TBX20: variants seen among roughly 807,000 people sequenced by gnomAD.
TBX20 encodes T-box transcription factor TBX20.
In TBX20, 8 loss-of-function variants were observed where a neutral mutation model predicts 42.9. The ratio of observed to expected loss-of-function variants is 0.19; its 90% CI spans 0.11 to 0.34. The LOEUF (loss-of-function observed/expected upper bound fraction) is 0.34, where lower values mean the gene tolerates loss of function less well. Ranked by LOEUF, TBX20 falls within the 10% of genes least tolerant of loss-of-function variation. The pLI, the probability that TBX20 is intolerant of heterozygous loss-of-function variation, is 1.00. For synonymous variants in TBX20, 198 were observed against 222.8 expected, an observed-to-expected ratio of 0.89 and a Z score of 0.99; for missense variants, 411 against 566.0, an observed-to-expected ratio of 0.73 and a Z score of 2.78.
At chr7:35,238,857 A>G (rs1251244999) in intron 5 of TBX20, among the ~76,000 whole-genome samples, 1 of 135,018 alleles carries the variant, frequency 7.4e-6, no homozygotes, top group Non-Finnish European at 1.7e-5. Context: ...ACAATTACGC[A>G]TTAATTTCTC....
rs1265483726 is a variant in TBX20, at chr7:35,249,813, A to G, written c.380+138T>C. 1 of 968,510 alleles carries G rather than the reference A, an allele frequency of 1.0e-6. No homozygotes were observed. Among genetic ancestry groups the G allele is most frequent in the African/African-American group, 1.6e-5 (1 of 60,660 alleles). The allele number at this position is 968,510 out of a possible 1,614,324, so 60.0% of individuals were successfully genotyped here. On this transcript the variant is annotated intron_variant, in intron 2 of 7. Transcript: ENST00000408931. This position sits in a 1 kb window ranked among gnomAD's most constrained non-coding sequence, Gnocchi z 4.3. ...GTAGCTCCTAATGCAAGCTGGTGGA[A>G]AGCAGCTGCCCTGGAGCCAAGCTGT...
intron 6 of TBX20, among the ~76,000 whole-genome samples, chr7:35,221,232 A>C (rs1472705788): frequency 1.3e-5 from 2 of 150,868 alleles, no homozygotes; most frequent in Non-Finnish European, 3.0e-5. Flanking sequence ...AGGGAGGAGA[A>C]GTACAAAAAA....
chr7:35,207,438 G>A (rs1017085949), intron 6 of TBX20, among the ~76,000 whole-genome samples: 4 of 152,098 alleles, frequency 2.6e-5, no homozygotes, highest in Non-Finnish European at 5.9e-5. Context: ...TGTGGCTTGC[G>A]TTTTCTCTTT....
In TBX20 at chr7:35,214,004, T is replaced by C. The variant is rs528605964; in HGVS notation, c.891-9422A>G. 4.6e-5 allele frequency among the ~76,000 whole-genome samples: 7 copies of C among 150,790 alleles called. No individual in the cohort carries two copies. The East Asian group carries it at 9.7e-4, about 21-fold the overall frequency. Reference sequence around the variant, plus strand: ...CATGTAGTATGTTAGATGTTGATAATAGTGCTATGGAAAATAAAAATAAAA... The same window carrying C: ...CATGTAGTATGTTAGATGTTGATAACAGTGCTATGGAAAATAAAAATAAAA... On this transcript the variant is annotated intron_variant, in intron 6 of 7. Transcript: ENST00000408931.
chr7:35,238,461 T>C (rs1248017673), intron 5 of TBX20, among the ~76,000 whole-genome samples: 3 of 152,246 alleles, frequency 2.0e-5, no homozygotes, highest in Non-Finnish European at 4.4e-5. Context: ...GGTTTCCACA[T>C]GAGAAGTGTC....
chr7:35,203,264 A>G (rs908236627), intron 7 of TBX20, among the ~76,000 whole-genome samples: 4 of 152,184 alleles, frequency 2.6e-5, no homozygotes, highest in Admixed American at 6.5e-5. Context: ...GACTGTATAC[A>G]GTTGTCCCTT....
intron 6 of TBX20, among the ~76,000 whole-genome samples, chr7:35,204,999 T>C (rs565541390): frequency 8.5e-5 from 13 of 152,354 alleles, no homozygotes; most frequent in Admixed American, 2.6e-4. Flanking sequence ...ACTCAGTTGA[T>C]ACAAATTGCA....
chr7:35,215,666 T>G (rs1584343442), intron 6 of TBX20, among the ~76,000 whole-genome samples: 1 of 152,166 alleles, frequency 6.6e-6, no homozygotes, highest in African/African-American at 2.4e-5. Context: ...ATGCTAAATA[T>G]TTTTTCTAGG....
At chr7:35,216,295 G>C (rs1237445519) in intron 6 of TBX20, among the ~76,000 whole-genome samples, 1 of 152,124 alleles carries the variant, frequency 6.6e-6, no homozygotes, top group Non-Finnish European at 1.5e-5. Flanking sequence ...AGGTGCTGCT[G>C]ATGCTGCTGA....
chr7:35,236,558 A>G (rs1406528312), intron 5 of TBX20, among the ~76,000 whole-genome samples: 3 of 152,156 alleles, frequency 2.0e-5, no homozygotes, highest in African/African-American at 4.8e-5. Flanking sequence ...CTAACCCACA[A>G]GTTCATTTAT....
chr7:35,214,889 A>G (rs1057049877), intron 6 of TBX20, among the ~76,000 whole-genome samples: 1 of 152,134 alleles, frequency 6.6e-6, no homozygotes, highest in Non-Finnish European at 1.5e-5. Flanking sequence ...TTTATAAAGG[A>G]TTTGCTGTCC....
rs1484152831 is a variant in TBX20 at position 35,202,494 on chromosome 7, T to C, written c.1280A>G (p.Gln427Arg). 6.2e-7 allele frequency: 1 copy of C among 1,608,462 alleles called. No homozygotes were observed. Among genetic ancestry groups the C allele is most frequent in the Non-Finnish European group, 8.5e-7 (1 of 1,177,460 alleles). The change falls in exon 8 of 8, where the codon CAG (glutamine) becomes CGG (arginine). Residue 427 changes from glutamine (Q) to arginine (R), a missense_variant. Transcript: ENST00000408931. Reference protein sequence around the residue: ...HMPRYHHYFQQGPYAAIQGLR... With the variant: ...HMPRYHHYFQRGPYAAIQGLR... ...TCCTTGAATGGCAGCATAGGGCCCC[T>C]GCTGAAAATAGTGATGGTATCGCGG... is the stretch of plus-strand genomic sequence containing the variant.
At chr7:35,218,746 T>G (rs1339999042) in intron 6 of TBX20, among the ~76,000 whole-genome samples, 1 of 152,204 alleles carries the variant, frequency 6.6e-6, no homozygotes, top group Non-Finnish European at 1.5e-5. Flanking sequence ...TGCTATAGTC[T>G]GAACATTTAT....
intron 1 of TBX20, among the ~76,000 whole-genome samples, chr7:35,251,980 A>G (rs569815764): frequency 6.6e-6 from 1 of 152,282 alleles, no homozygotes; most frequent in East Asian, 1.9e-4. Flanking sequence ...GCATGGGGGT[A>G]GGGTTGGAGT....
intron 3 of TBX20, among the ~76,000 whole-genome samples, chr7:35,245,775 AG>A (rs1191896165): frequency 6.6e-6 from 1 of 152,208 alleles, no homozygotes; most frequent in Non-Finnish European, 1.5e-5. Context: ...GCCAAAAAAA[AG>A]CTCTCACATC....
At chr7:35,217,452 G>GT (rs1254038123) in intron 6 of TBX20, among the ~76,000 whole-genome samples, 10 of 152,228 alleles carry the variant, frequency 6.6e-5, no homozygotes, top group African/African-American at 2.2e-4. Flanking sequence ...ATTTACAACC[G>GT]TAAGTTAATT....
chr7:35,240,989 T>C lies in TBX20; in HGVS notation c.703A>G (p.Lys235Glu). 1 of 1,613,826 alleles carries C rather than the reference T, an allele frequency of 6.2e-7. No homozygotes were observed. Among genetic ancestry groups the C allele is most frequent in the Non-Finnish European group, 8.5e-7 (1 of 1,179,718 alleles). The change falls in exon 5 of 8, where the codon AAG becomes GAG. Residue 235 changes from lysine to glutamate, a missense_variant. Coordinates refer to ENST00000408931, the MANE Select transcript of TBX20 (RefSeq NM_001077653.2). ...HKYQPRVHIIKKKDHTASLLN... is the reference protein window; with the variant it reads ...HKYQPRVHIIEKKDHTASLLN... ...AATGAGGCTGTGTGGTCTTTCTTCT[T>C]AATGATGTGCACCCTTGGCTGGTAC...
intron 6 of TBX20, among the ~76,000 whole-genome samples, chr7:35,229,373 T>C (rs550170568): frequency 6.0e-4 from 92 of 152,244 alleles, no homozygotes; most frequent in African/African-American, 2.1e-3. Flanking sequence ...TCTCTAAAGA[T>C]CAATTGATCT....
chr7:35,250,240 T>A (rs1279785209), intron 1 of TBX20, 37 bp from the exon 2 acceptor site: 9 of 1,609,844 alleles, frequency 5.6e-6, no homozygotes, highest in Non-Finnish European at 6.8e-6. Context: ...CAGCTGACAC[T>A]GTTCAACAAG....
Sources: allele counts gnomAD v4.1 joint callset (sites outside exome capture counted in the v4.1 genomes callset), GRCh38; gene constraint gnomAD v4.1.1; non-coding constraint Gnocchi (gnomAD v3.1); transcripts MANE v1.5; gene names NCBI Gene and HGNC (gene_info 2026-07-23, HGNC 2026-07-21).